The following CALN1 variants were observed in gnomAD, a reference collection of about 807,000 sequenced individuals.
The protein encoded by CALN1 is calcium-binding protein 8.
Under a neutral mutation model 30.6 loss-of-function variants are expected in CALN1, and 17 were observed. The observed-to-expected ratio is 0.56, with a 90% CI of 0.38 to 0.83. CALN1 has a LOEUF of 0.83. Ranked by LOEUF, CALN1 falls within the 40% of genes least tolerant of loss-of-function variation. The pLI is 0.00. For missense variants in CALN1, 291 were observed against 354.9 expected (o/e 0.82, Z 1.45); for synonymous variants, 156 against 131.4 (o/e 1.19, Z -1.28).
intron 3 of CALN1, among the ~76,000 whole-genome samples, chr7:72,115,094 CTATA>C (rs1361084040): frequency 6.8e-6 from 1 of 146,390 alleles, no homozygotes; most frequent in African/African-American, 2.5e-5. Flanking sequence ...GGACATTATA[CTATA>C]TATATAGTAT....
At chr7:72,185,825 T>C (rs923743284) in intron 3 of CALN1, among the ~76,000 whole-genome samples, 3 of 152,214 alleles carry the variant, frequency 2.0e-5, no homozygotes, top group Non-Finnish European at 4.4e-5. Context: ...CTGCCAAGCA[T>C]GGAAGACATG....
intron 2 of CALN1, among the ~76,000 whole-genome samples, chr7:72,295,774 G>A (rs1345008108): frequency 2.0e-5 from 3 of 151,498 alleles, no homozygotes; most frequent in African/African-American, 4.9e-5. Context: ...CTGAGACAAT[G>A]GGGTTTTCTA....
chr7:71,901,797 C>T (rs893244576), intron 5 of CALN1, among the ~76,000 whole-genome samples: 1 of 151,902 alleles, frequency 6.6e-6, no homozygotes, highest in African/African-American at 2.4e-5. Flanking sequence ...AATATAAGAC[C>T]CAAAACTATT....
chr7:72,113,240 C>T (rs1807703102), intron 3 of CALN1, among the ~76,000 whole-genome samples: 2 of 152,040 alleles, frequency 1.3e-5, no homozygotes, highest in African/African-American at 4.8e-5. Context: ...TTGCATGAGT[C>T]CTCAATTAGT....
At chr7:71,985,491 A>G (rs1425648339) in intron 5 of CALN1, among the ~76,000 whole-genome samples, 2 of 152,158 alleles carry the variant, frequency 1.3e-5, no homozygotes, top group Non-Finnish European at 2.9e-5. Flanking sequence ...TTTAAAAACA[A>G]AGAGAGAACA....
intron 3 of CALN1, among the ~76,000 whole-genome samples, chr7:72,246,866 T>C (rs1272271669): frequency 6.6e-6 from 1 of 151,412 alleles, no homozygotes; most frequent in Non-Finnish European, 1.5e-5. Context: ...GCAGTTCTCA[T>C]GCCTCAGCCT....
intron 2 of CALN1, among the ~76,000 whole-genome samples, chr7:72,369,669 TCTC>T (rs199539235): frequency 0.02 from 2,976 of 152,210 alleles, 48 homozygotes; most frequent in Non-Finnish European, 0.033. Context: ...TTCCTCATTC[TCTC>T]CTTTCACTCG....
intron 2 of CALN1, among the ~76,000 whole-genome samples, chr7:72,375,825 T>G (rs1804524742): frequency 6.6e-6 from 1 of 152,164 alleles, no homozygotes; most frequent in South Asian, 2.1e-4. Context: ...TAATTGTTTG[T>G]TAGTATATTT....
chr7:72,472,139 C>T, the CALN1 span, among the ~76,000 whole-genome samples: 3 of 152,102 alleles, frequency 2.0e-5, no homozygotes, highest in Non-Finnish European at 2.9e-5. Flanking sequence ...GCTGCTCCTC[C>T]GCTTCCAAAT....
At chr7:72,457,010 T>C in the CALN1 span, among the ~76,000 whole-genome samples, 4 of 144,350 alleles carry the variant, frequency 2.8e-5, no homozygotes, top group Non-Finnish European at 4.5e-5. Flanking sequence ...CTTTCTTTTT[T>C]TTTTTTTTTT....
At chr7:71,888,411 G>T (rs1280669295) in intron 5 of CALN1, among the ~76,000 whole-genome samples, 1 of 143,698 alleles carries the variant, frequency 7.0e-6, no homozygotes, top group East Asian at 2.1e-4. Context: ...TTTGTGGATT[G>T]TATCTCCATG....
At chr7:72,152,763 C>T (rs1250838986) in intron 3 of CALN1, among the ~76,000 whole-genome samples, 1 of 152,104 alleles carries the variant, frequency 6.6e-6, no homozygotes, top group Non-Finnish European at 1.5e-5. Flanking sequence ...AGGTTCTAAA[C>T]GTGACAGGAA....
intron 2 of CALN1, among the ~76,000 whole-genome samples, chr7:72,293,071 C>T (rs1798605532): frequency 6.6e-6 from 1 of 152,068 alleles, no homozygotes; most frequent in African/African-American, 2.4e-5. Flanking sequence ...CCCCTTCCTT[C>T]CTTTCTTTCT....
At chr7:72,164,568 C>T (rs970777177) in intron 3 of CALN1, among the ~76,000 whole-genome samples, 1 of 152,160 alleles carries the variant, frequency 6.6e-6, no homozygotes, top group African/African-American at 2.4e-5. Context: ...TTTCGAACAT[C>T]CATCCTTTAG....
intron 2 of CALN1, among the ~76,000 whole-genome samples, chr7:72,287,796 A>C (rs1262435166): frequency 6.6e-6 from 1 of 152,116 alleles, no homozygotes; most frequent in Non-Finnish European, 1.5e-5. Flanking sequence ...AAATTACACA[A>C]TCGATGGAAA....
chr7:72,487,050 T>C, the CALN1 span, among the ~76,000 whole-genome samples: 1 of 152,144 alleles, frequency 6.6e-6, no homozygotes, highest in Non-Finnish European at 1.5e-5. Flanking sequence ...GTATCTCTCC[T>C]TCCTCTTCTT....
At chr7:72,069,860 A>G (rs1282931978) in intron 4 of CALN1, among the ~76,000 whole-genome samples, 1 of 152,086 alleles carries the variant, frequency 6.6e-6, no homozygotes, top group Non-Finnish European at 1.5e-5. Flanking sequence ...GGTACGAATA[A>G]AGTAAAGTGT....
intron 4 of CALN1, among the ~76,000 whole-genome samples, chr7:72,078,409 G>A (rs922763271): frequency 1.1e-4 from 17 of 152,098 alleles, no homozygotes; most frequent in Admixed American, 1.0e-3. Flanking sequence ...TCTTAAGTAA[G>A]GCCTCAGAGA....
intron 2 of CALN1, among the ~76,000 whole-genome samples, chr7:72,398,059 G>A (rs1308027943): frequency 2.0e-5 from 3 of 152,138 alleles, no homozygotes; most frequent in Non-Finnish European, 4.4e-5. Flanking sequence ...GCCAGAGAAG[G>A]GCCATGATGG....
Sources: gnomAD v4.1 joint callset for allele counts (sites outside exome capture counted in the v4.1 genomes callset) on GRCh38, gnomAD v4.1.1 for gene constraint, MANE v1.5 for transcripts, NCBI Gene and HGNC (gene_info 2026-07-23, HGNC 2026-07-21) for gene names.